SULF2: variants seen among roughly 807,000 people sequenced by gnomAD.
SULF2 encodes the protein sulfatase 2.
A neutral mutation model predicts 107.7 loss-of-function variants in SULF2; 52 were observed. That is an observed-to-expected ratio of 0.48 (90% CI 0.39 to 0.61). The LOEUF (loss-of-function observed/expected upper bound fraction) is 0.61, where lower values mean the gene tolerates loss of function less well. SULF2 is among the 20% of genes least tolerant of loss of function. SULF2 has a pLI of 0.00. For missense variants in SULF2, 993 were observed against 1,177.3 expected (o/e 0.84, Z 2.29); for synonymous variants, 460 against 464.3 (o/e 0.99, Z 0.12).
At chr20:47,669,074 C>G (rs990747792) in intron 11 of SULF2, among the ~76,000 whole-genome samples, 3 of 152,206 alleles carry the variant, frequency 2.0e-5, no homozygotes, top group Non-Finnish European at 4.4e-5. Context: ...GCGTTTTTCA[C>G]CAGCGGAAGT....
rs201675264 is a variant in SULF2 at position 47,690,079 on chromosome 20, C to G, written c.737+47G>C. On this transcript the variant is annotated intron_variant, in intron 5 of 20. Transcript: ENST00000688720. The stretch of plus-strand genomic sequence containing the variant: ...ACTGTTGCTAAAGCCTGACCCTCCC[C>G]CTTCATGCTAAGCAGTGCCTCTGGC... 264 of 1,357,542 alleles carry G rather than the reference C, an allele frequency of 1.9e-4. No individual in the cohort carries two copies. The African/African-American group carries it at 3.5e-3, about 18-fold the overall frequency. 84.1% of individuals were successfully genotyped at this position (1,357,542 alleles called of 1,614,324 possible).
chr20:47,692,078 A>G (rs1416984808), intron 4 of SULF2, among the ~76,000 whole-genome samples: 1 of 152,172 alleles, frequency 6.6e-6, no homozygotes, highest in Non-Finnish European at 1.5e-5. Flanking sequence ...CTCTTCCTGA[A>G]TTTAGTAAAT....
At chr20:47,744,575 G>A (rs1312391987) in intron 2 of SULF2, among the ~76,000 whole-genome samples, 2 of 152,132 alleles carry the variant, frequency 1.3e-5, no homozygotes, top group Non-Finnish European at 2.9e-5. Context: ...GGGGAAGAGG[G>A]CACACAGTGG....
At chr20:47,777,906 T>C (rs1036103229) in intron 1 of SULF2, among the ~76,000 whole-genome samples, 1 of 151,832 alleles carries the variant, frequency 6.6e-6, no homozygotes, top group Non-Finnish European at 1.5e-5. Context: ...CCCAGCACTT[T>C]TGGAGGGTCA....
intron 2 of SULF2, among the ~76,000 whole-genome samples, chr20:47,746,974 T>TAAA (rs1172210682): frequency 2.4e-5 from 1 of 42,236 alleles, no homozygotes; most frequent in African/African-American, 9.4e-5. Context: ...CCCTAGAACT[T>TAAA]AAATAAATAA....
intron 3 of SULF2, among the ~76,000 whole-genome samples, chr20:47,732,596 C>T (rs961813007): frequency 2.0e-5 from 3 of 151,772 alleles, no homozygotes; most frequent in African/African-American, 7.2e-5. Flanking sequence ...AATCCTAGCC[C>T]TTTGGGAGGC....
chr20:47,721,540 G>T (rs923547554), intron 3 of SULF2, among the ~76,000 whole-genome samples: 2 of 152,140 alleles, frequency 1.3e-5, no homozygotes, highest in African/African-American at 4.8e-5. Context: ...GGCTAATTTT[G>T]TATTTTTTTA....
At chr20:47,778,003 T>C (rs897553153) in intron 1 of SULF2, among the ~76,000 whole-genome samples, 2 of 148,590 alleles carry the variant, frequency 1.3e-5, no homozygotes, top group Admixed American at 6.7e-5. Context: ...TAGCTGGGTA[T>C]GGTGGCCTGT....
chr20:47,785,537 GCCGC>G (rs2090916191), upstream of SULF2: 2 of 140,514 alleles, frequency 1.4e-5, no homozygotes, highest in African/African-American at 2.6e-5. Flanking sequence ...GCCCCCCAAC[GCCGC>G]CGCCACCGCC....
At chr20:47,695,769 T>C (rs1186900257) in intron 4 of SULF2, among the ~76,000 whole-genome samples, 3 of 152,178 alleles carry the variant, frequency 2.0e-5, no homozygotes, top group African/African-American at 7.2e-5. Flanking sequence ...TGTGCCACCA[T>C]GTCCAGCTAA....
At chr20:47,740,330 A>AG (rs762720106) in intron 2 of SULF2, among the ~76,000 whole-genome samples, 21 of 152,152 alleles carry the variant, frequency 1.4e-4, no homozygotes, top group Admixed American at 6.5e-5. Flanking sequence ...GTCACACGGG[A>AG]GGTGGTAACA....
At chr20:47,712,101 A>G (rs34015109) in intron 3 of SULF2, among the ~76,000 whole-genome samples, 2,299 of 152,352 alleles carry the variant, frequency 0.015, 22 homozygotes, top group Non-Finnish European at 0.023. Context: ...ACAGAAATGC[A>G]TCTTGCTTCT....
chr20:47,711,809 T>C (rs2088938443), intron 3 of SULF2, among the ~76,000 whole-genome samples: 2 of 152,156 alleles, frequency 1.3e-5, no homozygotes, highest in African/African-American at 4.8e-5. Context: ...CATGCATGAA[T>C]ACATATACAC....
intron 1 of SULF2, among the ~76,000 whole-genome samples, chr20:47,771,546 T>G (rs2090630668): frequency 6.6e-6 from 1 of 152,204 alleles, no homozygotes. Context: ...AGCTCTTCCC[T>G]TCTGCAGAGG....
At chr20:47,677,237 C>T (rs1268177687) in intron 8 of SULF2, 103 bp from the exon 9 acceptor site, 32 of 1,293,180 alleles carry the variant, frequency 2.5e-5, no homozygotes, top group Middle Eastern at 1.9e-4. Context: ...CCTTGGTTTA[C>T]GGTCAGCCTG....
intron 5 of SULF2, 101 bp from the exon 6 acceptor site, chr20:47,684,682 G>A (rs2087941616): frequency 4.8e-6 from 6 of 1,260,230 alleles, no homozygotes; most frequent in Non-Finnish European, 6.6e-6. Flanking sequence ...CCTGTGCTGT[G>A]TCTGCAGCCC....
At chr20:47,676,345 C>T in intron 10 of SULF2, 149 bp downstream of exon 10, 1 of 849,222 alleles carries the variant, frequency 1.2e-6, no homozygotes. Context: ...CCTGCACCAC[C>T]AAACAGCATC....
chr20:47,672,066 G>T (rs955889813), intron 11 of SULF2, 132 bp downstream of exon 11: 2 of 942,648 alleles, frequency 2.1e-6, no homozygotes, highest in Non-Finnish European at 3.1e-6. Context: ...AGGAGATGTG[G>T]CTGTGTCCCC....
intron 10 of SULF2, 43 bp downstream of exon 10, chr20:47,676,451 A>T: frequency 1.9e-6 from 3 of 1,592,600 alleles, no homozygotes; most frequent in East Asian, 2.2e-5. Context: ...GGCCGGCTGC[A>T]GTCAGGAGGG....
Sources: allele counts gnomAD v4.1 joint callset (sites outside exome capture counted in the v4.1 genomes callset), GRCh38; gene constraint gnomAD v4.1.1; transcripts MANE v1.5; gene names NCBI Gene and HGNC (gene_info 2026-07-23, HGNC 2026-07-21).